The following GPC5 variants were observed in gnomAD, a reference collection of about 807,000 sequenced individuals.
GPC5 encodes the protein glypican 5, also known as glypican-5.
GPC5 carries 47 observed loss-of-function variants against 53.9 expected under a neutral mutation model. The ratio of observed to expected loss-of-function variants is 0.87; its 90% confidence interval spans 0.69 to 1.11. GPC5 has a LOEUF of 1.11. GPC5 is among the 50% of genes most tolerant of loss of function. GPC5 has a pLI of 0.00. For missense variants in GPC5, 748 were observed against 713.1 expected (o/e 1.05, Z -0.56); for synonymous variants, 286 against 263.3 (o/e 1.09, Z -0.84).
intron 6 of GPC5, among the ~76,000 whole-genome samples, chr13:92,050,549 T>C (rs947108456): frequency 2.0e-5 from 3 of 152,180 alleles, no homozygotes; most frequent in Admixed American, 6.5e-5. Flanking sequence ...CTGAGTCCAG[T>C]AGGCAGAATG....
chr13:91,841,245 T>A (rs954146570), intron 5 of GPC5, among the ~76,000 whole-genome samples: 11 of 151,514 alleles, frequency 7.3e-5, no homozygotes, highest in African/African-American at 2.7e-4. Context: ...AAATATTTTT[T>A]AAAAATCCTC....
At chr13:91,585,948 T>C (rs1351347641) in intron 2 of GPC5, among the ~76,000 whole-genome samples, 1 of 151,526 alleles carries the variant, frequency 6.6e-6, no homozygotes, top group Non-Finnish European at 1.5e-5. Context: ...GGCCTGAGGG[T>C]AGTGGATTAT....
intron 6 of GPC5, among the ~76,000 whole-genome samples, chr13:92,003,316 G>C: frequency 1.9e-5 from 2 of 103,988 alleles, no homozygotes; most frequent in African/African-American, 7.2e-5. Flanking sequence ...GTGAGTCTCT[G>C]TCTTAACACA....
At chr13:91,911,047 T>C (rs1353109721) in intron 6 of GPC5, among the ~76,000 whole-genome samples, 1 of 152,108 alleles carries the variant, frequency 6.6e-6, no homozygotes, top group Non-Finnish European at 1.5e-5. Context: ...GTGAGAACTG[T>C]GTCTGGGGCA....
intron 7 of GPC5, among the ~76,000 whole-genome samples, chr13:92,643,385 C>T (rs1295444734): frequency 6.6e-6 from 1 of 151,422 alleles, no homozygotes; most frequent in East Asian, 1.9e-4. Flanking sequence ...GGGTATATAC[C>T]CAAATGACTA....
intron 7 of GPC5, among the ~76,000 whole-genome samples, chr13:92,370,030 T>C (rs1162257645): frequency 1.3e-5 from 2 of 152,210 alleles, no homozygotes; most frequent in African/African-American, 4.8e-5. Context: ...TCCTTCTCTG[T>C]TAGAATCACT....
At chr13:92,211,464 T>A (rs775281229) in intron 7 of GPC5, among the ~76,000 whole-genome samples, 3 of 152,338 alleles carry the variant, frequency 2.0e-5, no homozygotes, top group Middle Eastern at 3.4e-3. Flanking sequence ...CCAACTGTGG[T>A]TCTCCCAGCC....
chr13:92,773,512 TTATC>T (rs1174941920), intron 7 of GPC5, among the ~76,000 whole-genome samples: 1 of 152,204 alleles, frequency 6.6e-6, no homozygotes, highest in Admixed American at 6.5e-5. Context: ...TATCCAATGA[TTATC>T]TATATCTTTG....
intron 2 of GPC5, among the ~76,000 whole-genome samples, chr13:91,620,353 C>G (rs993262626): frequency 1.3e-5 from 2 of 152,024 alleles, no homozygotes; most frequent in African/African-American, 4.8e-5. Context: ...GAACATGAGT[C>G]TATGTGCTTT....
At chr13:92,829,400 C>A (rs1267760987) in intron 7 of GPC5, among the ~76,000 whole-genome samples, 2 of 152,172 alleles carry the variant, frequency 1.3e-5, no homozygotes, top group East Asian at 3.9e-4. Flanking sequence ...GGTATTCAGA[C>A]AGACTCACTA....
intron 7 of GPC5, among the ~76,000 whole-genome samples, chr13:92,854,746 G>A (rs1878938515): frequency 1.3e-5 from 2 of 151,944 alleles, no homozygotes; most frequent in South Asian, 4.1e-4. Flanking sequence ...TTTGTTTTAT[G>A]TGTTTGTTTT....
intron 7 of GPC5, among the ~76,000 whole-genome samples, chr13:92,466,256 C>T (rs1449155422): frequency 6.6e-6 from 1 of 151,852 alleles, no homozygotes; most frequent in Non-Finnish European, 1.5e-5. Context: ...GTGAATGAGC[C>T]TTGCGTATCA....
intron 3 of GPC5, among the ~76,000 whole-genome samples, chr13:91,714,833 G>A (rs903122946): frequency 1.3e-5 from 2 of 152,222 alleles, no homozygotes; most frequent in Non-Finnish European, 2.9e-5. Context: ...TGCTTTGCCC[G>A]GGAAAGAACT....
intron 7 of GPC5, among the ~76,000 whole-genome samples, chr13:92,450,555 A>C (rs1878020361): frequency 6.6e-6 from 1 of 152,164 alleles, no homozygotes; most frequent in Admixed American, 6.6e-5. Context: ...GGGGATGTTC[A>C]ACCTGGATTT....
chr13:92,721,229 C>T (rs748278108), intron 7 of GPC5, among the ~76,000 whole-genome samples: 7 of 151,854 alleles, frequency 4.6e-5, no homozygotes, highest in Non-Finnish European at 8.8e-5. Context: ...ACTGTACACC[C>T]GGCAGCTGCT....
chr13:91,461,431 G>C (rs1007655654), intron 2 of GPC5, among the ~76,000 whole-genome samples: 1 of 152,064 alleles, frequency 6.6e-6, no homozygotes, highest in Non-Finnish European at 1.5e-5. Flanking sequence ...TTTGGATCTG[G>C]TCTCAAGACT....
At chr13:91,789,557 C>A (rs2037931325) in intron 5 of GPC5, among the ~76,000 whole-genome samples, 2 of 151,974 alleles carry the variant, frequency 1.3e-5, no homozygotes, top group Non-Finnish European at 2.9e-5. Context: ...TTTTCTTTAT[C>A]CCCCTGCTAA....
intron 1 of GPC5, among the ~76,000 whole-genome samples, chr13:91,409,008 A>G (rs950116885): frequency 1.3e-5 from 2 of 152,196 alleles, no homozygotes; most frequent in Admixed American, 6.5e-5. Flanking sequence ...GAGCATAAAA[A>G]TTATTTCTGG....
chr13:92,462,101 C>T (rs909182708), intron 7 of GPC5, among the ~76,000 whole-genome samples: 4 of 152,056 alleles, frequency 2.6e-5, no homozygotes, highest in East Asian at 1.9e-4. Context: ...GCCTTGCCAG[C>T]GATAGGGAAA....
Sources: gnomAD v4.1 joint callset for allele counts (sites outside exome capture counted in the v4.1 genomes callset) on GRCh38, gnomAD v4.1.1 for gene constraint, MANE v1.5 for transcripts, NCBI Gene and HGNC (gene_info 2026-07-23, HGNC 2026-07-21) for gene names.